CSNK1G1: variants seen among roughly 807,000 people sequenced by gnomAD.
CSNK1G1 encodes casein kinase 1 gamma 1.
A neutral mutation model predicts 59.6 loss-of-function variants in CSNK1G1; 22 were observed. The observed-to-expected ratio is 0.37, with a 90% CI of 0.26 to 0.53. CSNK1G1 has a LOEUF of 0.53. Among genes scored for constraint, CSNK1G1 ranks in the 20% least tolerant of loss-of-function variants. CSNK1G1 has a pLI of 0.89. For missense variants in CSNK1G1, 384 were observed against 519.5 expected (o/e 0.74, Z 2.54); for synonymous variants, 179 against 177.1 (o/e 1.01, Z -0.08).
At chr15:64,320,009 A>G (rs1896475726) in intron 1 of CSNK1G1, among the ~76,000 whole-genome samples, 1 of 145,398 alleles carries the variant, frequency 6.9e-6, no homozygotes, top group African/African-American at 2.6e-5. Flanking sequence ...GGCTCAAGCA[A>G]TCCTCCCACC....
intron 10 of CSNK1G1, among the ~76,000 whole-genome samples, chr15:64,183,908 G>A (rs557550528): frequency 6.6e-6 from 1 of 151,558 alleles, no homozygotes; most frequent in African/African-American, 2.4e-5. Flanking sequence ...GCTAATTTTT[G>A]TATTTTTTAG....
chr15:64,208,704 A>T (rs1436680762), intron 6 of CSNK1G1, among the ~76,000 whole-genome samples: 1 of 151,866 alleles, frequency 6.6e-6, no homozygotes, highest in African/African-American at 2.4e-5. Flanking sequence ...TAATTTATTT[A>T]TTTTTATTTT....
chr15:64,204,948 G>C lies in CSNK1G1; in HGVS notation c.767C>G (p.Ala256Gly), dbSNP rs2082157495. 1 of 1,574,894 alleles carries C rather than the reference G, an allele frequency of 6.3e-7. No homozygotes were observed. Among genetic ancestry groups the C allele is most frequent in the Non-Finnish European group, 8.7e-7 (1 of 1,146,130 alleles). Reference protein sequence around the residue: ...RGSLPWQGLKADTLKERYQKI... With the variant: ...RGSLPWQGLKGDTLKERYQKI... ...TTGATATCTCTCTTTTAATGTGTCAGCCTGTAGAGAGTAAAGAGAGAAAGT... is the reference window on the plus strand; with the variant it reads ...TTGATATCTCTCTTTTAATGTGTCACCCTGTAGAGAGTAAAGAGAGAAAGT... Residue 256 changes from alanine (A) to glycine (G), a missense_variant and splice_region_variant, in exon 8 of 12, where the codon GCT becomes GGT. This residue lies in a region of CSNK1G1 where 325 missense variants were observed against 440.9 expected (regional missense o/e 0.74). Transcript: ENST00000303052.
At chr15:64,326,423 C>T (rs1465039511) in intron 1 of CSNK1G1, among the ~76,000 whole-genome samples, 2 of 152,122 alleles carry the variant, frequency 1.3e-5, no homozygotes, top group Admixed American at 6.5e-5. Context: ...GTGCGCAGAT[C>T]ACCCGAGGTC....
intron 1 of CSNK1G1, among the ~76,000 whole-genome samples, chr15:64,309,626 C>T (rs561861339): frequency 1.3e-5 from 2 of 152,198 alleles, no homozygotes; most frequent in Admixed American, 1.3e-4. Flanking sequence ...AAAAGGAGTA[C>T]ATAAGAAGGG....
rs770061388 is a variant in CSNK1G1, at chr15:64,166,605, A to C, written c.*5326T>G. On this transcript the variant is annotated 3_prime_UTR_variant, in exon 12 of 12. Transcript: ENST00000303052. This position sits in a 1 kb window ranked among gnomAD's most constrained non-coding sequence, Gnocchi z 4.5. ...CAGTCACACACTTCCATCTGTAAAT[A>C]TATTTCTCCCCAAAGAAATGGCTCA... 1 of 152,728 alleles carries C rather than the reference A, an allele frequency of 6.5e-6. No individual in the cohort carries two copies. The highest frequency in any genetic ancestry group is 1.5e-5 in the Non-Finnish European group (1 of 68,116). The allele number at this position is 152,728 out of a possible 1,614,324, so 9.5% of individuals were successfully genotyped here. A position where few individuals can be genotyped will look rare whatever the true frequency, so the allele number is the denominator to read the frequency against.
intron 2 of CSNK1G1, among the ~76,000 whole-genome samples, chr15:64,266,193 G>A (rs902680970): frequency 6.6e-6 from 1 of 151,964 alleles, no homozygotes; most frequent in African/African-American, 2.4e-5. Context: ...CTCCTGAGTA[G>A]CTGGGACTAT....
At chr15:64,220,501 C>CTTTTTTTT in intron 4 of CSNK1G1, among the ~76,000 whole-genome samples, 1 of 140,272 alleles carries the variant, frequency 7.1e-6, no homozygotes, top group Non-Finnish European at 1.6e-5. Flanking sequence ...GTGTATAACT[C>CTTTTTTTT]TTTTTTTTTT....
intron 2 of CSNK1G1, among the ~76,000 whole-genome samples, chr15:64,289,782 A>G (rs1894637221): frequency 6.6e-6 from 1 of 152,108 alleles, no homozygotes; most frequent in Non-Finnish European, 1.5e-5. Context: ...AAACCGTATA[A>G]CCTCATCTAA....
In CSNK1G1 at chr15:64,186,262, A is replaced by T. The variant is rs531464089; in HGVS notation, c.1108-5808T>A. 2.6e-5 allele frequency among the ~76,000 whole-genome samples: 4 copies of T among 152,184 alleles called. No individual in the cohort carries two copies. In the East Asian group the frequency reaches 7.8e-4, roughly 29 times the overall value. Reference sequence around the variant, plus strand: ...GCTGGGACTACAGGTACCCACCACCACGCCCAGCTAATTTTTTAAAATTAC... The same window carrying T: ...GCTGGGACTACAGGTACCCACCACCTCGCCCAGCTAATTTTTTAAAATTAC... On this transcript the variant is annotated intron_variant, in intron 10 of 11. Transcript: ENST00000303052.
At chr15:64,245,101 C>G (rs72756954) in intron 4 of CSNK1G1, among the ~76,000 whole-genome samples, 6,713 of 151,976 alleles carry the variant, frequency 0.044, 194 homozygotes, top group South Asian at 0.085. Context: ...AAAAACAAAT[C>G]AAAATGGATT....
At chr15:64,332,515 G>A (rs1897161126) in intron 1 of CSNK1G1, among the ~76,000 whole-genome samples, 1 of 102,606 alleles carries the variant, frequency 9.7e-6, no homozygotes, top group Admixed American at 1.1e-4. Context: ...CACACTCTGG[G>A]GACTGTGATG....
chr15:64,203,994 T>C (rs2082143892), intron 9 of CSNK1G1, among the ~76,000 whole-genome samples: 2 of 151,284 alleles, frequency 1.3e-5, no homozygotes, highest in South Asian at 4.2e-4. Flanking sequence ...AATATAAAAA[T>C]TAGCCGGGCG....
intron 5 of CSNK1G1, among the ~76,000 whole-genome samples, chr15:64,215,007 C>A (rs888732994): frequency 1.6e-4 from 24 of 149,910 alleles, no homozygotes; most frequent in African/African-American, 5.9e-4. Flanking sequence ...GTCTATGTTG[C>A]CTACGCTGGT....
chr15:64,288,008 T>G (rs769458321), intron 2 of CSNK1G1, among the ~76,000 whole-genome samples: 4 of 152,172 alleles, frequency 2.6e-5, no homozygotes, highest in Non-Finnish European at 5.9e-5. Context: ...GTAAATGACT[T>G]AGCAAAACTA....
At chr15:64,257,343 T>C (rs1892437289) in intron 3 of CSNK1G1, among the ~76,000 whole-genome samples, 1 of 152,114 alleles carries the variant, frequency 6.6e-6, no homozygotes, top group Non-Finnish European at 1.5e-5. Context: ...CTAACAAATA[T>C]GTAGTAATGT....
chr15:64,179,754 A>G (rs1349879558), intron 11 of CSNK1G1, among the ~76,000 whole-genome samples: 1 of 152,214 alleles, frequency 6.6e-6, no homozygotes, highest in African/African-American at 2.4e-5. Flanking sequence ...GGCAAGACAT[A>G]CACATGCAAG....
intron 2 of CSNK1G1, among the ~76,000 whole-genome samples, chr15:64,280,954 A>C (rs1320889858): frequency 1.3e-5 from 2 of 152,036 alleles, no homozygotes; most frequent in African/African-American, 4.8e-5. Context: ...ATCTTGGCTC[A>C]CTGTAAGCTC....
chr15:64,229,842 A>G (rs2140289203), intron 4 of CSNK1G1, among the ~76,000 whole-genome samples: 1 of 149,774 alleles, frequency 6.7e-6, no homozygotes, highest in Non-Finnish European at 1.5e-5. Context: ...ATCTAGACAA[A>G]TAGGCATGCA....
Sources: allele counts gnomAD v4.1 joint callset (sites outside exome capture counted in the v4.1 genomes callset), GRCh38; gene constraint gnomAD v4.1.1; regional missense constraint gnomAD v4.1.1; non-coding constraint Gnocchi (gnomAD v3.1); transcripts MANE v1.5; gene names NCBI Gene and HGNC (gene_info 2026-07-23, HGNC 2026-07-21).